LRP1B: variants seen among roughly 807,000 people sequenced by gnomAD.
The protein encoded by LRP1B is LDL receptor related protein 1B.
Under a neutral mutation model 556.6 loss-of-function variants are expected in LRP1B, and 217 were observed. The ratio of observed to expected loss-of-function variants is 0.39; its 90% CI spans 0.35 to 0.44. The LOEUF is 0.44. Among genes scored for constraint, LRP1B ranks in the 20% least tolerant of loss-of-function variants. LRP1B has a pLI of 1.00. For synonymous variants in LRP1B, 2,047 were observed against 1,865.8 expected, an observed-to-expected ratio of 1.10 and a Z score of -2.50; for missense variants, 5,053 against 5,620.8, an observed-to-expected ratio of 0.90 and a Z score of 3.23.
intron 41 of LRP1B, among the ~76,000 whole-genome samples, chr2:140,653,432 AC>A (rs1684759313): frequency 6.6e-6 from 1 of 151,922 alleles, no homozygotes; most frequent in African/African-American, 2.4e-5. Flanking sequence ...ATCCGTGGAG[AC>A]TAGAAAGTTG....
At chr2:141,893,431 C>T (rs917524117) in intron 1 of LRP1B, among the ~76,000 whole-genome samples, 1 of 152,120 alleles carries the variant, frequency 6.6e-6, no homozygotes, top group Non-Finnish European at 1.5e-5. Context: ...GAACCCCTGA[C>T]CTTAGGTGAT....
chr2:140,353,082 A>G lies in LRP1B; in HGVS notation c.11531-10T>C. 1 of 1,612,418 alleles carries G rather than the reference A, an allele frequency of 6.2e-7. No homozygotes were observed. The highest frequency in any genetic ancestry group is 8.5e-7 in the Non-Finnish European group (1 of 1,179,228). On this transcript the variant is annotated splice_polypyrimidine_tract_variant and intron_variant, in intron 75 of 90. Coordinates refer to ENST00000389484, the MANE Select transcript of LRP1B (RefSeq NM_018557.3). ...AAACATTCATTAAGGTCTAGAAAAG[A>G]AGAGCTCAAAATAGCATCATCATAC...
At chr2:141,069,457 T>C (rs1262910751) in intron 7 of LRP1B, among the ~76,000 whole-genome samples, 2 of 152,090 alleles carry the variant, frequency 1.3e-5, no homozygotes, top group African/African-American at 2.4e-5. Context: ...CTTAATCATC[T>C]CCTCTCCCTA....
At chr2:140,635,198 C>T (rs1047242492) in intron 41 of LRP1B, among the ~76,000 whole-genome samples, 1 of 151,990 alleles carries the variant, frequency 6.6e-6, no homozygotes, top group Non-Finnish European at 1.5e-5. Flanking sequence ...TCACTTTTCT[C>T]TCTGTAAAAC....
chr2:140,670,979 G>A (rs4954849), intron 41 of LRP1B, among the ~76,000 whole-genome samples: 149,310 of 152,318 alleles, frequency 0.98, 73,256 homozygotes, highest in East Asian at 1. Flanking sequence ...CTATGATAAA[G>A]GGATATAGGG....
chr2:141,359,294 A>G (rs1005444845), intron 3 of LRP1B, among the ~76,000 whole-genome samples: 2 of 150,064 alleles, frequency 1.3e-5, no homozygotes, highest in African/African-American at 4.9e-5. Context: ...CAGAATTGCT[A>G]AATAAATACA....
At chr2:140,770,274 A>G (rs1411536910) in intron 34 of LRP1B, among the ~76,000 whole-genome samples, 2 of 151,662 alleles carry the variant, frequency 1.3e-5, no homozygotes, top group Non-Finnish European at 1.5e-5. Flanking sequence ...ATAAATGATA[A>G]TACATATATA....
chr2:141,445,902 G>C (rs1395092595), intron 3 of LRP1B, among the ~76,000 whole-genome samples: 1 of 152,164 alleles, frequency 6.6e-6, no homozygotes, highest in East Asian at 1.9e-4. Context: ...CTGTTGATTT[G>C]GTGTGGAGAA....
In LRP1B at chr2:140,867,591, C is replaced by A. The variant is rs1692989493; in HGVS notation, c.4578G>T (p.Gln1526His). ...LQIYHPSRQPQAPNPCAANDG... is the reference protein window; with the variant it reads ...LQIYHPSRQPHAPNPCAANDG... ...ATCCATAAGTGAACAAGCACTTACC[C>A]TGTGGCTGGCGACTGGGATGGTATA... Residue 1526 changes from glutamine (Q) to histidine (H), a missense_variant and splice_region_variant, in exon 27 of 91, where the codon CAG becomes CAT. This residue lies in a region of LRP1B where 3,619 missense variants were observed against 3,931.9 expected (regional missense o/e 0.92). Transcript: ENST00000389484. The A allele has an allele frequency of 6.2e-7, 1 of 1,611,648 alleles. No homozygotes were observed. The highest frequency in any genetic ancestry group is 8.5e-7 in the Non-Finnish European group (1 of 1,178,582).
intron 6 of LRP1B, among the ~76,000 whole-genome samples, chr2:141,212,714 C>A (rs1682620607): frequency 6.6e-6 from 1 of 151,932 alleles, no homozygotes; most frequent in Non-Finnish European, 1.5e-5. Context: ...GAATTGATTC[C>A]AAGACCCACC....
chr2:141,053,851 T>TGTG (rs1421349388), intron 10 of LRP1B, among the ~76,000 whole-genome samples: 3 of 151,690 alleles, frequency 2.0e-5, no homozygotes, highest in African/African-American at 7.3e-5. Context: ...TGTGTGTGAT[T>TGTG]ATATTTCCCA....
chr2:140,804,649 ATTTTTTTTTTTT>A (rs869167644), intron 32 of LRP1B, among the ~76,000 whole-genome samples: 1 of 57,936 alleles, frequency 1.7e-5, no homozygotes, highest in Admixed American at 2.3e-4. Flanking sequence ...GTAAAAACTA[ATTTTTTTTTTTT>A]TTTTTTTTTT....
chr2:141,061,564 T>C (rs1699335789), intron 8 of LRP1B, among the ~76,000 whole-genome samples: 1 of 151,828 alleles, frequency 6.6e-6, no homozygotes. Flanking sequence ...ATTCTCTTTT[T>C]AGGAAGTACT....
At chr2:141,963,559 A>T (rs867543935) in intron 1 of LRP1B, among the ~76,000 whole-genome samples, 2 of 151,360 alleles carry the variant, frequency 1.3e-5, no homozygotes, top group African/African-American at 4.9e-5. Flanking sequence ...CATGCTAAAA[A>T]CTCTCAATAA....
chr2:141,013,170 G>T (rs1404870474), intron 14 of LRP1B, among the ~76,000 whole-genome samples: 1 of 151,846 alleles, frequency 6.6e-6, no homozygotes. Context: ...CTTGTATAAT[G>T]CATCTTCAAT....
chr2:140,501,373 G>A (rs1190599066), intron 55 of LRP1B, among the ~76,000 whole-genome samples: 3 of 151,978 alleles, frequency 2.0e-5, no homozygotes, highest in African/African-American at 7.2e-5. Context: ...GGAAACTTAA[G>A]AGTTAAATAC....
Position 140,791,144 on chromosome 2 carries a change from C to G in LRP1B, c.5360-14906G>C, listed in dbSNP as rs150633362. ...TGGTGCACGCCTGTAGTCCCAGCTA[C>G]TCGGGAGGCTGAGACAGGAGAATCG... is the stretch of plus-strand genomic sequence containing the variant. On this transcript the variant is annotated intron_variant, in intron 32 of 90. Coordinates refer to ENST00000389484, the MANE Select transcript of LRP1B (RefSeq NM_018557.3). 6.2e-4 allele frequency among the ~76,000 whole-genome samples: 95 copies of G among 152,182 alleles called. No homozygotes were observed. In the East Asian group the frequency reaches 0.016, roughly 26 times the overall value.
At position 141,314,509 on chromosome 2, in the gene LRP1B, C is replaced by T. The variant is rs372110882; in HGVS notation, c.344-59868G>A. On this transcript the variant is annotated intron_variant, in intron 3 of 90. Coordinates refer to ENST00000389484, the MANE Select transcript of LRP1B (RefSeq NM_018557.3). ...TTAAACGGGCTTAAAAATTGACCTA[C>T]GGCCGGGCGCGGTGGCTCACGCCTG... is the stretch of plus-strand genomic sequence containing the variant. Among the ~76,000 whole-genome samples the T allele has an allele frequency of 3.9e-5, 6 of 152,014 alleles. No individual in the cohort carries two copies. In the East Asian group the frequency reaches 9.7e-4, roughly 25 times the overall value.
chr2:140,286,707 T>C (rs1247498071), intron 84 of LRP1B, among the ~76,000 whole-genome samples: 1 of 151,888 alleles, frequency 6.6e-6, no homozygotes, highest in Non-Finnish European at 1.5e-5. Flanking sequence ...TTTTAGAAAT[T>C]ATGAAGTGAA....
Sources: allele counts gnomAD v4.1 joint callset (sites outside exome capture counted in the v4.1 genomes callset), GRCh38; gene constraint gnomAD v4.1.1; regional missense constraint gnomAD v4.1.1; transcripts MANE v1.5; gene names NCBI Gene and HGNC (gene_info 2026-07-23, HGNC 2026-07-21).